Variants in B4GALT4 observed in about 807,000 individuals in gnomAD.
The protein encoded by B4GALT4 is N-acetyllactosamine synthase.
In B4GALT4, 27 loss-of-function variants were observed where a neutral mutation model predicts 37.3. The ratio of observed to expected loss-of-function variants is 0.72; its 90% CI spans 0.53 to 1.00. The LOEUF (loss-of-function observed/expected upper bound fraction) is 1.00, where lower values mean the gene tolerates loss of function less well. Ranked by LOEUF, B4GALT4 falls within the 50% of genes least tolerant of loss-of-function variation. The pLI is 0.00. For missense variants in B4GALT4, 372 were observed against 413.1 expected (o/e 0.90, Z 0.86); for synonymous variants, 148 against 154.1 (o/e 0.96, Z 0.29).
Position 119,226,906 on chromosome 3 carries a change from T to C in B4GALT4, c.389A>G (p.His130Arg). Reference protein sequence around the residue: ...ALQRVAILVPHRNREKHLMYL... With the variant: ...ALQRVAILVPRRNREKHLMYL... The stretch of plus-strand genomic sequence containing the variant: ...CATCAGGTGTTTCTCTCTGTTCCGG[T>C]GGGGAACGAGGATGGCGACCCTCTG... Residue 130 changes from histidine to arginine, a missense_variant, in exon 4 of 8, where the codon CAC (histidine) becomes CGC (arginine). Transcript: ENST00000393765. 1 of 1,614,090 alleles carries C rather than the reference T, an allele frequency of 6.2e-7. No homozygotes were observed. The highest frequency in any genetic ancestry group is 8.5e-7 in the Non-Finnish European group (1 of 1,180,002).
intron 5 of B4GALT4, 63 bp from the exon 6 acceptor site, chr3:119,218,835 G>A: frequency 6.3e-7 from 1 of 1,592,808 alleles, no homozygotes; most frequent in Non-Finnish European, 8.6e-7. Context: ...TGATTTCAGG[G>A]CTGGCGTTCT....
chr3:119,238,037 C>T (rs7633115), intron 1 of B4GALT4, among the ~76,000 whole-genome samples: 1,550 of 152,082 alleles, frequency 0.01, 32 homozygotes, highest in African/African-American at 0.034. Flanking sequence ...AAGGCCGAGG[C>T]GGGAGGATCA....
intron 5 of B4GALT4, among the ~76,000 whole-genome samples, chr3:119,220,065 G>A (rs1240326322): frequency 2.6e-5 from 4 of 152,278 alleles, no homozygotes; most frequent in South Asian, 4.1e-4. Flanking sequence ...TTCTTTCTAC[G>A]TTCTGAGAAA....
intron 1 of B4GALT4, among the ~76,000 whole-genome samples, chr3:119,238,158 T>C (rs1243292020): frequency 6.6e-6 from 1 of 151,278 alleles, no homozygotes; most frequent in Non-Finnish European, 1.5e-5. Flanking sequence ...TCCCAGCTAC[T>C]TGGGAGGCTG....
chr3:119,230,305 A>T, intron 2 of B4GALT4, 61 bp from the exon 3 acceptor site: 2 of 648,928 alleles, frequency 3.1e-6, no homozygotes, highest in South Asian at 4.1e-5. Context: ...GAAGTGATTC[A>T]CTCCAGCACA....
chr3:119,216,480 A>T, intron 6 of B4GALT4, 136 bp from the exon 7 acceptor site: 1 of 490,970 alleles, frequency 2.0e-6, no homozygotes. Context: ...ACAGTGTCAC[A>T]AACAGCTTGA....
intron 7 of B4GALT4, 180 bp from the exon 8 acceptor site, chr3:119,212,861 T>C: frequency 1.7e-6 from 1 of 600,046 alleles, no homozygotes; most frequent in Admixed American, 3.4e-5. Flanking sequence ...CATGTATTCA[T>C]GTGTCAGACT....
intron 5 of B4GALT4, among the ~76,000 whole-genome samples, chr3:119,220,098 CA>C (rs1195101670): frequency 6.6e-6 from 1 of 152,124 alleles, no homozygotes; most frequent in Non-Finnish European, 1.5e-5. Context: ...CTGTTTAACC[CA>C]TAAGAGAAGC....
In B4GALT4 at chr3:119,220,781, TCGAGACCACC is replaced by T. The variant is rs1242944089; in HGVS notation, c.675-2019_675-2010del. Among the ~76,000 whole-genome samples the T allele has an allele frequency of 2.0e-5, 3 of 152,076 alleles. No homozygotes were observed. In the East Asian group the frequency reaches 5.8e-4, roughly 29 times the overall value. On this transcript the variant is annotated intron_variant, in intron 5 of 7. Coordinates refer to ENST00000393765, the MANE Select transcript of B4GALT4 (RefSeq NM_003778.4). The stretch of plus-strand genomic sequence containing the variant: ...GCGGACGGATCAAGAGGTCAGGAGA[TCGAGACCACC>T]CTGGCTAACACTGCGAAACCCCGTC...
rs1439703021 is a variant in B4GALT4, at chr3:119,229,965, C to T, written c.135G>A (p.Lys45=). ...TCTTATGGAAATTAGCCATGAACTC[C>T]TTTGCTTTAGGAATCTCTTGAATGG... ...VGAIQEIPKA[K]EFMANFHKTL... Residue 45 remains lysine, a synonymous_variant, in exon 3 of 8, where the codon AAG becomes AAA. Coordinates refer to ENST00000393765, the MANE Select transcript of B4GALT4 (RefSeq NM_003778.4). 1.2e-6 allele frequency: 2 copies of T among 1,614,008 alleles called. No homozygotes were observed. The highest frequency in any genetic ancestry group is 2.7e-5 in the African/African-American group (2 of 74,890).
Position 119,212,217 on chromosome 3 carries a change from T to C in B4GALT4, c.*332A>G. 2.8e-6 allele frequency: 2 copies of C among 702,994 alleles called. No individual in the cohort carries two copies. Among genetic ancestry groups the C allele is most frequent in the Non-Finnish European group, 5.2e-6 (2 of 385,008 alleles). 43.5% of individuals were successfully genotyped at this position (702,994 alleles called of 1,614,324 possible). Reference sequence around the variant, plus strand: ...TCCTGTGGCCTTTTATCCCATAATATATTACTTCAAATTTAAATAAATCTC... The same window carrying C: ...TCCTGTGGCCTTTTATCCCATAATACATTACTTCAAATTTAAATAAATCTC... On this transcript the variant is annotated 3_prime_UTR_variant, in exon 8 of 8. Coordinates refer to ENST00000393765, the MANE Select transcript of B4GALT4 (RefSeq NM_003778.4).
intron 2 of B4GALT4, 96 bp from the exon 3 acceptor site, chr3:119,230,340 C>A (rs546189250): frequency 7.8e-5 from 42 of 536,280 alleles, no homozygotes; most frequent in African/African-American, 7.2e-4. Context: ...CCCCGATGGA[C>A]CTTGACTAAC....
At chr3:119,216,993 T>C (rs1018303881) in intron 6 of B4GALT4, among the ~76,000 whole-genome samples, 1 of 152,174 alleles carries the variant, frequency 6.6e-6, no homozygotes, top group East Asian at 1.9e-4. Flanking sequence ...GTAGTGCCTG[T>C]TGCACAGGCG....
intron 2 of B4GALT4, among the ~76,000 whole-genome samples, chr3:119,235,389 G>C (rs1209829275): frequency 6.6e-6 from 1 of 152,106 alleles, no homozygotes; most frequent in South Asian, 2.1e-4. Context: ...GTGTTCATTC[G>C]GCAGCTATGA....
At position 119,224,034 on chromosome 3, in the gene B4GALT4, C is replaced by T. The variant is rs2078526418; in HGVS notation, c.674+24G>A. ...CAATAGTTGAGCTTCTCGACCTAAG[C>T]CACCCTCAGCAGAACCACCTTACCT... On this transcript the variant is annotated intron_variant, in intron 5 of 7. Coordinates refer to ENST00000393765, the MANE Select transcript of B4GALT4 (RefSeq NM_003778.4). 3 of 1,587,860 alleles carry T rather than the reference C, an allele frequency of 1.9e-6. No individual in the cohort carries two copies. In the East Asian group the frequency reaches 6.8e-5, roughly 36 times the overall value.
chr3:119,227,982 A>G (rs9850349), intron 3 of B4GALT4, among the ~76,000 whole-genome samples: 15,397 of 152,212 alleles, frequency 0.1, 985 homozygotes, highest in East Asian at 0.24. Context: ...CCCAAAGAGA[A>G]TAATTGGCCT....
intron 1 of B4GALT4, among the ~76,000 whole-genome samples, chr3:119,239,182 C>T (rs1360318128): frequency 6.6e-6 from 1 of 151,908 alleles, no homozygotes; most frequent in African/African-American, 2.4e-5. Flanking sequence ...AAAAATTAGC[C>T]GGGAGTAGTG....
At chr3:119,229,229 C>T (rs1037319916) in intron 3 of B4GALT4, among the ~76,000 whole-genome samples, 1 of 152,154 alleles carries the variant, frequency 6.6e-6, no homozygotes, top group Non-Finnish European at 1.5e-5. Flanking sequence ...GGAGAACATA[C>T]CCAGGCTAGC....
intron 4 of B4GALT4, among the ~76,000 whole-genome samples, chr3:119,225,228 G>A (rs1273150398): frequency 6.6e-6 from 1 of 152,162 alleles, no homozygotes; most frequent in Non-Finnish European, 1.5e-5. Flanking sequence ...TATGATTGAA[G>A]CTGTAATAAA....
Sources: gnomAD v4.1 joint callset for allele counts (sites outside exome capture counted in the v4.1 genomes callset) on GRCh38, gnomAD v4.1.1 for gene constraint, MANE v1.5 for transcripts, NCBI Gene and HGNC (gene_info 2026-07-23, HGNC 2026-07-21) for gene names.